WDR33: variants seen among roughly 807,000 people sequenced by gnomAD.
The protein encoded by WDR33 is WD repeat domain 33, also known as pre-mRNA 3' end processing protein WDR33.
In WDR33, 47 loss-of-function variants were observed where a neutral mutation model predicts 164.9. The observed-to-expected ratio is 0.29, with a 90% confidence interval of 0.23 to 0.36. WDR33 has a LOEUF of 0.36. Ranked by LOEUF, WDR33 falls within the 10% of genes least tolerant of loss-of-function variation. WDR33 has a pLI of 1.00. For missense variants in WDR33, 1,137 were observed against 1,754.1 expected, an observed-to-expected ratio of 0.65 and a Z score of 6.28; for synonymous variants, 505 against 589.0, an observed-to-expected ratio of 0.86 and a Z score of 2.06.
Position 127,764,465 on chromosome 2 carries a change from T to C in WDR33, c.626+363A>G. 1 of 1,464,080 alleles carries C rather than the reference T, an allele frequency of 6.8e-7. No individual in the cohort carries two copies. Among genetic ancestry groups the C allele is most frequent in the African/African-American group, 1.4e-5 (1 of 70,024 alleles). 90.7% of individuals were successfully genotyped at this position (1,464,080 alleles called of 1,614,324 possible). ...TCTGTAGGCTTTAGATTTTATTCAGTTGCATAATTAAAGACTGAATTCTTT... is the reference window on the plus strand; with the variant it reads ...TCTGTAGGCTTTAGATTTTATTCAGCTGCATAATTAAAGACTGAATTCTTT... On this transcript the variant is annotated intron_variant, in intron 6 of 21. Transcript: ENST00000322313. The surrounding 1 kb of genome is among the most constrained non-coding windows in gnomAD (Gnocchi z 6.2).
chr2:127,793,104 C>G (rs1263898936), intron 1 of WDR33, among the ~76,000 whole-genome samples: 2 of 152,118 alleles, frequency 1.3e-5, no homozygotes. Context: ...AAATTTATTT[C>G]ACAGGTAATA....
At position 127,719,643 on chromosome 2, in the gene WDR33, C is replaced by T. The variant is rs1283337294; in HGVS notation, c.2382G>A (p.Gln794=). Residue 794 remains glutamine (Q), a synonymous_variant, in exon 16 of 22, where the codon CAG becomes CAA. Transcript: ENST00000322313. This position sits in a 1 kb window ranked among gnomAD's most constrained non-coding sequence, Gnocchi z 6.5. ...MQGPPGPREN[Q]GPAPQGMIMG... is the part of the protein sequence containing the mutation. ...TAATCATCCCTTGGGGAGCAGGACC[C>T]TGGTTCTCCCGGGGGCCTGGAGGCC... The T allele has an allele frequency of 6.2e-6, 10 of 1,613,688 alleles. No individual in the cohort carries two copies. Among genetic ancestry groups the T allele is most frequent in the African/African-American group, 1.3e-5 (1 of 74,880 alleles).
chr2:127,725,735 AAATAATAATAATAATAATAATAAT>A (rs56352036), intron 8 of WDR33, among the ~76,000 whole-genome samples: 3 of 141,104 alleles, frequency 2.1e-5, no homozygotes, highest in Non-Finnish European at 4.6e-5. Flanking sequence ...CTCTGTCTCA[AAATAATAATAATAATAATAATAAT>A]AATAATAATA....
chr2:127,752,308 C>T (rs1014403432), intron 7 of WDR33, among the ~76,000 whole-genome samples: 16 of 152,156 alleles, frequency 1.1e-4, no homozygotes, highest in African/African-American at 3.1e-4. Context: ...GTCTAGGCAC[C>T]GGCCGGGCGC....
intron 1 of WDR33, among the ~76,000 whole-genome samples, chr2:127,776,343 G>A (rs755132032): frequency 8.5e-5 from 13 of 152,200 alleles, no homozygotes; most frequent in Admixed American, 3.9e-4. Flanking sequence ...ATCCACCCCC[G>A]CACCCAGTCT....
At chr2:127,774,648 T>G (rs1688125945) in intron 1 of WDR33, among the ~76,000 whole-genome samples, 1 of 151,928 alleles carries the variant, frequency 6.6e-6, no homozygotes, top group African/African-American at 2.4e-5. Context: ...GCTAACATGG[T>G]GAAACCCCGT....
intron 1 of WDR33, among the ~76,000 whole-genome samples, chr2:127,775,217 C>A (rs996067514): frequency 1.1e-4 from 17 of 152,048 alleles, no homozygotes; most frequent in African/African-American, 4.1e-4. Flanking sequence ...GAGACGGAGT[C>A]TCACTGTATT....
At chr2:127,728,849 T>G (rs1686632974) in intron 7 of WDR33, among the ~76,000 whole-genome samples, 1 of 152,242 alleles carries the variant, frequency 6.6e-6, no homozygotes, top group Non-Finnish European at 1.5e-5. Flanking sequence ...GCCGTCTCTA[T>G]CTACCCTCAT....
At position 127,764,746 on chromosome 2, in the gene WDR33, C is replaced by A; in HGVS notation, c.626+82G>T. On this transcript the variant is annotated intron_variant, in intron 6 of 21. Coordinates refer to ENST00000322313, the MANE Select transcript of WDR33 (RefSeq NM_018383.5). The surrounding 1 kb of genome is among the most constrained non-coding windows in gnomAD (Gnocchi z 6.2). ...TTCCCAGAAACTGACAGAGCCCATG[C>A]ATCTCTGCACCCAGAATACACTTAG... The A allele has an allele frequency of 6.2e-7, 1 of 1,614,150 alleles. No homozygotes were observed. Among genetic ancestry groups the A allele is most frequent in the Non-Finnish European group, 8.5e-7 (1 of 1,180,010 alleles).
Position 127,768,949 on chromosome 2 carries a change from G to C in WDR33, c.257C>G (p.Ala86Gly). ...TGTACTTACATCATTGTAATAACCT[G>C]CATCAGGCTGAATTGCCCGCATATC... Reference protein sequence around the residue: ...QRDMRAIQPDAGYYNDLVPPI... With the variant: ...QRDMRAIQPDGGYYNDLVPPI... The change falls in exon 3 of 22, where the codon GCA becomes GGA. Residue 86 changes from alanine to glycine, a missense_variant. By Grantham distance (60) the Ala-to-Gly change is moderately conservative. Coordinates refer to ENST00000322313, the MANE Select transcript of WDR33 (RefSeq NM_018383.5). The C allele has an allele frequency of 6.3e-7, 1 of 1,590,220 alleles. No individual in the cohort carries two copies. The highest frequency in any genetic ancestry group is 1.4e-5 in the African/African-American group (1 of 73,960).
At chr2:127,796,435 A>G (rs1978811) in intron 1 of WDR33, among the ~76,000 whole-genome samples, 3,255 of 151,988 alleles carry the variant, frequency 0.021, 157 homozygotes, top group African/African-American at 0.076. Context: ...CTACTGCAGC[A>G]AGCACAGTGG....
intron 7 of WDR33, among the ~76,000 whole-genome samples, chr2:127,732,266 T>C (rs1402868307): frequency 2.6e-5 from 4 of 152,086 alleles, no homozygotes; most frequent in African/African-American, 9.7e-5. Context: ...GGTATGGGAA[T>C]AAGAGTGGCA....
At chr2:127,739,460 T>C (rs1686952345) in intron 7 of WDR33, among the ~76,000 whole-genome samples, 2 of 152,242 alleles carry the variant, frequency 1.3e-5, no homozygotes, top group South Asian at 4.1e-4. Context: ...GTAATTCAAA[T>C]AGGTTCAGTG....
chr2:127,790,460 G>A (rs1688803313), intron 1 of WDR33, among the ~76,000 whole-genome samples: 1 of 152,072 alleles, frequency 6.6e-6, no homozygotes, highest in African/African-American at 2.4e-5. Context: ...TGATTTGAGA[G>A]GTATGCCTTC....
At chr2:127,761,668 T>C (rs1687681627) in intron 7 of WDR33, among the ~76,000 whole-genome samples, 1 of 152,206 alleles carries the variant, frequency 6.6e-6, no homozygotes, top group African/African-American at 2.4e-5. Flanking sequence ...GATAAGATTC[T>C]AGTCCTGGCT....
At chr2:127,755,341 G>A (rs1032571441) in intron 7 of WDR33, among the ~76,000 whole-genome samples, 1 of 152,134 alleles carries the variant, frequency 6.6e-6, no homozygotes, top group African/African-American at 2.4e-5. Flanking sequence ...AGCACTCTCT[G>A]CATACTTGTC....
intron 1 of WDR33, among the ~76,000 whole-genome samples, chr2:127,792,650 G>A (rs879146560): frequency 6.6e-6 from 1 of 151,290 alleles, no homozygotes; most frequent in Non-Finnish European, 1.5e-5. Flanking sequence ...CTCCAGACTG[G>A]GCAAAAAAGA....
chr2:127,779,273 G>A lies in WDR33; in HGVS notation c.-23-8269C>T, dbSNP rs566952504. Among the ~76,000 whole-genome samples, 3 of 152,090 alleles carry A rather than the reference G, an allele frequency of 2.0e-5. No individual in the cohort carries two copies. In the South Asian group the frequency reaches 6.2e-4, roughly 32 times the overall value. On this transcript the variant is annotated intron_variant, in intron 1 of 21. Coordinates refer to ENST00000322313, the MANE Select transcript of WDR33 (RefSeq NM_018383.5). ...ACTTGAGGTCAGGAGTTCGAGACGAGCCTGGCTAATATGGTGAAACCCCAT... is the reference window on the plus strand; with the variant it reads ...ACTTGAGGTCAGGAGTTCGAGACGAACCTGGCTAATATGGTGAAACCCCAT...
chr2:127,800,439 C>A (rs1689193578), intron 1 of WDR33, among the ~76,000 whole-genome samples: 1 of 152,002 alleles, frequency 6.6e-6, no homozygotes, highest in East Asian at 1.9e-4. Context: ...TCAAGACCAT[C>A]CTGGCTAACA....
Sources: gnomAD v4.1 joint callset for allele counts (sites outside exome capture counted in the v4.1 genomes callset) on GRCh38, gnomAD v4.1.1 for gene constraint, Gnocchi (gnomAD v3.1) non-coding constraint, MANE v1.5 for transcripts, NCBI Gene and HGNC (gene_info 2026-07-23, HGNC 2026-07-21) for gene names.